Variants in RXRA observed in about 807,000 individuals in gnomAD.
RXRA encodes the protein retinoic acid receptor RXR-alpha.
RXRA carries 5 observed loss-of-function variants against 44.5 expected under a neutral mutation model. That is an observed-to-expected ratio of 0.11 (90% CI 0.06 to 0.24). RXRA has a LOEUF of 0.24. RXRA is among the 10% of genes least tolerant of loss of function. RXRA has a pLI of 1.00. For synonymous variants in RXRA, 291 were observed against 271.4 expected (o/e 1.07, Z -0.71); for missense variants, 412 against 646.5 (o/e 0.64, Z 3.93).
intron 1 of RXRA, among the ~76,000 whole-genome samples, chr9:134,391,296 G>A (rs1027539299): frequency 1.3e-5 from 2 of 152,222 alleles, no homozygotes; most frequent in African/African-American, 4.8e-5. Flanking sequence ...TCCTGAGCCA[G>A]GTGGCCGTGC....
At chr9:134,396,100 A>G (rs1342825549) in intron 1 of RXRA, among the ~76,000 whole-genome samples, 1 of 152,152 alleles carries the variant, frequency 6.6e-6, no homozygotes, top group East Asian at 1.9e-4. Flanking sequence ...CCCATTTTAC[A>G]GAAGGGGAGA....
At chr9:134,409,213 G>A (rs1330241505) in intron 4 of RXRA, 94 bp downstream of exon 4, 1 of 1,272,994 alleles carries the variant, frequency 7.9e-7, no homozygotes, top group African/African-American at 1.5e-5. Context: ...ACAACAGGGA[G>A]TGAGTGGCCT....
At chr9:134,416,790 T>A (rs35765763) in intron 4 of RXRA, among the ~76,000 whole-genome samples, 1,772 of 152,242 alleles carry the variant, frequency 0.012, 57 homozygotes, top group South Asian at 0.11. Flanking sequence ...CTCTGCAACC[T>A]CCTCTTCCAG....
chr9:134,431,069 C>T (rs1006519337), intron 7 of RXRA, among the ~76,000 whole-genome samples: 1 of 152,258 alleles, frequency 6.6e-6, no homozygotes, highest in Non-Finnish European at 1.5e-5. Flanking sequence ...TCTGCAGACC[C>T]TCAGGGCCGC....
chr9:134,404,605 G>A (rs1054613987), intron 2 of RXRA: 5 of 152,494 alleles, frequency 3.3e-5, no homozygotes, highest in African/African-American at 1.2e-4. Context: ...CCTGCCCAGG[G>A]CCTGTGGGGC....
intron 4 of RXRA, among the ~76,000 whole-genome samples, chr9:134,413,053 T>G (rs913554009): frequency 2.6e-5 from 4 of 151,868 alleles, no homozygotes; most frequent in Admixed American, 2.6e-4. Flanking sequence ...AGGTCTCTGC[T>G]GTGGGAAGGG....
chr9:134,410,708 G>GA (rs1213233621), intron 4 of RXRA, among the ~76,000 whole-genome samples: 1 of 152,180 alleles, frequency 6.6e-6, no homozygotes, highest in Non-Finnish European at 1.5e-5. Context: ...GCTGGAGCTG[G>GA]GGGGGGAAGG....
chr9:134,352,524 C>T (rs944588236), intron 1 of RXRA, among the ~76,000 whole-genome samples: 2 of 152,290 alleles, frequency 1.3e-5, no homozygotes, highest in South Asian at 4.1e-4. Context: ...AGTGGTCACC[C>T]GGCAGTGTGC....
intron 6 of RXRA, among the ~76,000 whole-genome samples, chr9:134,427,478 C>T (rs763774951): frequency 1.2e-4 from 18 of 152,216 alleles, no homozygotes; most frequent in East Asian, 9.6e-4. Context: ...CATGCTCCCA[C>T]GGTGATGGGG....
intron 1 of RXRA, among the ~76,000 whole-genome samples, chr9:134,392,768 C>G (rs751151391): frequency 4.8e-4 from 73 of 152,296 alleles, no homozygotes; most frequent in Non-Finnish European, 9.0e-4. Flanking sequence ...TGGTCCTGGC[C>G]CCTGGGTTCA....
chr9:134,388,557 T>C (rs1295206604), intron 1 of RXRA, among the ~76,000 whole-genome samples: 2 of 152,184 alleles, frequency 1.3e-5, no homozygotes, highest in Non-Finnish European at 2.9e-5. Context: ...TGACTGCTTG[T>C]CCTCTGGGGA....
chr9:134,362,847 G>T (rs376764338), intron 1 of RXRA, among the ~76,000 whole-genome samples: 66 of 152,358 alleles, frequency 4.3e-4, no homozygotes, highest in African/African-American at 1.4e-3. Context: ...CTTGGACGGG[G>T]ATCCTGCCTG....
intron 1 of RXRA, among the ~76,000 whole-genome samples, chr9:134,332,412 G>T (rs1385673073): frequency 6.6e-6 from 1 of 152,192 alleles, no homozygotes; most frequent in Admixed American, 6.5e-5. Context: ...GGGTGACCTG[G>T]CAGAGCCTTG....
chr9:134,401,995 TC>T (rs1279170073), intron 2 of RXRA, 113 bp downstream of exon 2: 2 of 914,654 alleles, frequency 2.2e-6, no homozygotes, highest in Non-Finnish European at 3.2e-6. Flanking sequence ...TGCTGTGGTC[TC>T]CCCGCTTGAC....
chr9:134,426,307 G>A lies in RXRA; in HGVS notation c.911-2801G>A, dbSNP rs1050897773. 21 of 985,464 alleles carry A rather than the reference G, an allele frequency of 2.1e-5. No homozygotes were observed. Among genetic ancestry groups the A allele is most frequent in the Non-Finnish European group, 2.3e-5 (19 of 829,932 alleles). 61.0% of individuals were successfully genotyped at this position (985,464 alleles called of 1,614,324 possible). A position where few individuals can be genotyped will look rare whatever the true frequency, so the allele number is the denominator to read the frequency against. ...GGCCAGGAGCCCTCCTTCCTGCAGC[G>A]ATGGAGCACTTAGGAAGGTGAAGAC... On this transcript the variant is annotated intron_variant, in intron 6 of 9. Transcript: ENST00000481739. This position sits in a 1 kb window ranked among gnomAD's most constrained non-coding sequence, Gnocchi z 4.6.
intron 5 of RXRA, among the ~76,000 whole-genome samples, chr9:134,419,047 C>T (rs1831284675): frequency 6.6e-6 from 1 of 152,194 alleles, no homozygotes. Flanking sequence ...GCTGGGGCTG[C>T]CCAGCTTGGG....
At chr9:134,368,364 A>G (rs1830440057) in intron 1 of RXRA, among the ~76,000 whole-genome samples, 2 of 151,936 alleles carry the variant, frequency 1.3e-5, no homozygotes, top group Admixed American at 6.6e-5. Flanking sequence ...CTTGCCACCC[A>G]CTCCCCTGGG....
intron 4 of RXRA, among the ~76,000 whole-genome samples, chr9:134,411,745 G>C (rs867256436): frequency 6.6e-6 from 1 of 152,230 alleles, no homozygotes; most frequent in East Asian, 1.9e-4. Context: ...ACTCAGCCTC[G>C]GTGTGGAGGG....
rs1805348 is a variant in RXRA at position 134,436,596 on chromosome 9, G to A, written c.1371G>A (p.Ala457=). 0.016 allele frequency: 26,233 copies of A among 1,613,970 alleles called. 277 individuals carry two copies. Among genetic ancestry groups the A allele is most frequent in the Non-Finnish European group, 0.018 (21,350 of 1,180,004 alleles). The change falls in exon 10 of 10, where the codon GCG becomes GCA. Residue 457 remains alanine (A), a synonymous_variant. Coordinates refer to ENST00000481739, the MANE Select transcript of RXRA (RefSeq NM_002957.6). ...IDTFLMEMLE[A]PHQMT is the part of the protein sequence containing the mutation. ...CCTTCCTTATGGAGATGCTGGAGGCGCCGCACCAAATGACTTAGGCCTGCG... is the reference window on the plus strand; with the variant it reads ...CCTTCCTTATGGAGATGCTGGAGGCACCGCACCAAATGACTTAGGCCTGCG...
Sources: allele counts gnomAD v4.1 joint callset (sites outside exome capture counted in the v4.1 genomes callset), GRCh38; gene constraint gnomAD v4.1.1; non-coding constraint Gnocchi (gnomAD v3.1); transcripts MANE v1.5; gene names NCBI Gene and HGNC (gene_info 2026-07-23, HGNC 2026-07-21).